The following PHF8 variants were observed in gnomAD, a reference collection of about 807,000 sequenced individuals.
PHF8 encodes PHD finger protein 8, also known as histone lysine demethylase PHF8.
In PHF8, 9 loss-of-function variants were observed where a neutral mutation model predicts 74.4. The ratio of observed to expected loss-of-function variants is 0.12; its 90% CI spans 0.07 to 0.21. PHF8 has a LOEUF of 0.21. Ranked by LOEUF, PHF8 falls within the 10% of genes least tolerant of loss-of-function variation. The probability of loss-of-function intolerance (pLI) is 1.00; values close to 1 mark genes in which losing one functional copy is unlikely to be tolerated. For missense variants in PHF8, 478 were observed against 816.6 expected (o/e 0.59, Z 5.05); for synonymous variants, 311 against 316.6 (o/e 0.98, Z 0.19).
intron 2 of PHF8, among the ~76,000 whole-genome samples, chrX:54,033,398 A>G (rs1557113102): frequency 8.9e-6 from 1 of 112,338 alleles, no homozygotes; most frequent in East Asian, 2.8e-4. Context: ...AGCAATTAAG[A>G]ACATGCCTGA....
chrX:53,975,308 A>G (rs1356214039), intron 18 of PHF8, among the ~76,000 whole-genome samples: 1 of 112,141 alleles, frequency 8.9e-6, no homozygotes, highest in Non-Finnish European at 1.9e-5. Context: ...AGAAAACAGT[A>G]TGGAGGTGTC....
rs1557116838 is a variant in PHF8, at chrX:54,044,228, C to G, written c.-559G>C. 2 of 754,180 alleles carry G rather than the reference C, an allele frequency of 2.7e-6. No individual in the cohort carries two copies. The highest frequency in any genetic ancestry group is 4.6e-5 in the African/African-American group (2 of 43,738). The allele number at this position is 754,180 out of a possible 1,213,427, so 62.2% of individuals were successfully genotyped here. ...TGGGCCGGCAGGAGATACTCGCGAGCAAACCAACGGGGAAAGAGATGAACC... is the reference window on the plus strand; with the variant it reads ...TGGGCCGGCAGGAGATACTCGCGAGGAAACCAACGGGGAAAGAGATGAACC... On this transcript the variant is annotated 5_prime_UTR_variant, in exon 1 of 22. Coordinates refer to ENST00000338154, the MANE Select transcript of PHF8 (RefSeq NM_015107.3).
rs781996890 is a variant in PHF8, at chrX:53,995,823, G to A, written c.1234-41C>T. On this transcript the variant is annotated intron_variant, in intron 11 of 21. Transcript: ENST00000338154. ...CATGAGGAATAAACCCACACATAAAGAGACAACTGATTTTGGACAAATATG... is the reference window on the plus strand; with the variant it reads ...CATGAGGAATAAACCCACACATAAAAAGACAACTGATTTTGGACAAATATG... 3 of 851,700 alleles carry A rather than the reference G, an allele frequency of 3.5e-6. No individual in the cohort carries two copies. In the Admixed American group the frequency reaches 7.1e-5, roughly 20 times the overall value. The allele number at this position is 851,700 out of a possible 1,213,427, so 70.2% of individuals were successfully genotyped here. A position where few individuals can be genotyped will look rare whatever the true frequency, so the allele number is the denominator to read the frequency against.
At chrX:54,043,162 C>A (rs185022840) in intron 1 of PHF8, 10 of 789,267 alleles carry the variant, frequency 1.3e-5, no homozygotes, top group Middle Eastern at 6.6e-4. Context: ...CCTCCCCTAG[C>A]TGACCCCTGT....
At chrX:54,007,904 T>A (rs1451558045) in intron 8 of PHF8, among the ~76,000 whole-genome samples, 1 of 111,843 alleles carries the variant, frequency 8.9e-6, no homozygotes, top group Non-Finnish European at 1.9e-5. Flanking sequence ...CTCCTAGATA[T>A]ATACCCAAGA....
intron 19 of PHF8, among the ~76,000 whole-genome samples, chrX:53,961,350 G>A (rs902451005): frequency 9.8e-6 from 1 of 102,420 alleles, no homozygotes; most frequent in African/African-American, 3.6e-5. Flanking sequence ...TCCCCGAGAC[G>A]GAGTTTCCCA....
chrX:53,943,020 G>A, intron 20 of PHF8: 1 of 774,376 alleles, frequency 1.3e-6, no homozygotes, highest in Non-Finnish European at 1.5e-6. Flanking sequence ...AGCTTAGCTT[G>A]CAAAGCCCCT....
Position 54,043,900 on chromosome X carries a change from A to G in PHF8, c.-231T>C. On this transcript the variant is annotated 5_prime_UTR_variant, in exon 1 of 22. Transcript: ENST00000338154. ...CTCCACGCCCGCGGAGCTCAGCCCCAGCGACACGCCGGCAGCCGGGCTAGC... is the reference window on the plus strand; with the variant it reads ...CTCCACGCCCGCGGAGCTCAGCCCCGGCGACACGCCGGCAGCCGGGCTAGC... 2.7e-6 allele frequency: 2 copies of G among 754,295 alleles called. No individual in the cohort carries two copies. The highest frequency in any genetic ancestry group is 3.1e-6 in the Non-Finnish European group (2 of 638,947). The allele number at this position is 754,295 out of a possible 1,213,427, so 62.2% of individuals were successfully genotyped here.
chrX:53,954,819 T>C (rs782064832), intron 19 of PHF8, among the ~76,000 whole-genome samples: 15 of 111,238 alleles, frequency 1.3e-4, no homozygotes, highest in Admixed American at 3.9e-4. Context: ...TATCCCAATA[T>C]TCTTTAAGCT....
At chrX:54,008,063 A>C (rs782530821) in intron 8 of PHF8, among the ~76,000 whole-genome samples, 26 of 112,388 alleles carry the variant, frequency 2.3e-4, no homozygotes, top group Non-Finnish European at 4.5e-4. Context: ...ACAGAATATT[A>C]TTCAGCTGTT....
At chrX:54,024,151 G>A (rs1412046717) in intron 2 of PHF8, among the ~76,000 whole-genome samples, 4 of 111,544 alleles carry the variant, frequency 3.6e-5, no homozygotes, top group Non-Finnish European at 5.7e-5. Flanking sequence ...GGCCAGTCGC[G>A]GTAGCTCACA....
intron 11 of PHF8, among the ~76,000 whole-genome samples, chrX:53,998,312 G>A (rs1557103443): frequency 9.1e-6 from 1 of 110,417 alleles, no homozygotes; most frequent in Non-Finnish European, 1.9e-5. Context: ...AAATTAGCCA[G>A]GCGTGGTGGC....
At chrX:54,043,655 A>G (rs2066601115) in intron 1 of PHF8, 107 bp downstream of exon 1, 1 of 164,354 alleles carries the variant, frequency 6.1e-6, no homozygotes, top group Non-Finnish European at 9.7e-6. Context: ...GTTTCCTTGC[A>G]GCCCCCCCTC....
intron 18 of PHF8, among the ~76,000 whole-genome samples, chrX:53,974,042 G>A (rs1218544723): frequency 2.7e-5 from 3 of 110,938 alleles, no homozygotes; most frequent in Non-Finnish European, 5.7e-5. Context: ...GGCGGATCAC[G>A]AGGTCAGGAG....
At chrX:53,995,285 C>G (rs1455129706) in intron 12 of PHF8, 1 of 336,227 alleles carries the variant, frequency 3.0e-6, no homozygotes, top group African/African-American at 2.6e-5. Context: ...CACCCACCAC[C>G]ACGACCCACC....
chrX:53,985,190 G>C lies in PHF8; in HGVS notation c.2167C>G (p.Gln723Glu). 1 of 1,204,185 alleles carries C rather than the reference G, an allele frequency of 8.3e-7. No homozygotes were observed. Among genetic ancestry groups the C allele is most frequent in the Non-Finnish European group, 1.1e-6 (1 of 891,163 alleles). The part of the protein sequence containing the change: ...PASPSTQEAI[Q>E]GMLCMANLQS... ...AGGTTGGCCATGCACAGCATGCCCT[G>C]GATGGCCTCCTGAGTGCTGGGAGAA... The change falls in exon 18 of 22, where the codon CAG becomes GAG. Residue 723 changes from glutamine (Q) to glutamate (E), a missense_variant. Physicochemically the swap from Gln to Glu is conservative, Grantham distance 29. Around this residue, in one of 9 missense-constraint regions of PHF8, gnomAD observed 45 missense variants for 94.4 expected, o/e 0.48. Coordinates refer to ENST00000338154, the MANE Select transcript of PHF8 (RefSeq NM_015107.3).
chrX:53,999,485 G>A (rs111292226), intron 11 of PHF8: 1 of 164,465 alleles, frequency 6.1e-6, no homozygotes. Context: ...GGCAGGGTCT[G>A]CACCCCAACC....
At chrX:54,014,900 T>C (rs1022088535) in intron 6 of PHF8, among the ~76,000 whole-genome samples, 6 of 112,066 alleles carry the variant, frequency 5.4e-5, no homozygotes, top group African/African-American at 1.9e-4. Context: ...CCCCATCTCA[T>C]AGTGTCTTCT....
chrX:53,977,536 T>G (rs1266240758), intron 18 of PHF8, among the ~76,000 whole-genome samples: 2 of 111,545 alleles, frequency 1.8e-5, no homozygotes, highest in Non-Finnish European at 3.8e-5. Context: ...ATTAGGATGA[T>G]TAAAATAACT....
Sources: allele counts gnomAD v4.1 joint callset (sites outside exome capture counted in the v4.1 genomes callset), GRCh38; gene constraint gnomAD v4.1.1; regional missense constraint gnomAD v4.1.1; transcripts MANE v1.5; gene names NCBI Gene and HGNC (gene_info 2026-07-23, HGNC 2026-07-21).